The following CPVL variants were observed in gnomAD, a reference collection of about 807,000 sequenced individuals.
CPVL encodes the protein probable serine carboxypeptidase CPVL.
CPVL carries 51 observed loss-of-function variants against 63.7 expected under a neutral mutation model. The observed-to-expected ratio is 0.80, with a 90% confidence interval of 0.64 to 1.01. The LOEUF is 1.01. Among genes scored for constraint, CPVL ranks in the 50% least tolerant of loss-of-function variants. CPVL has a pLI of 0.00. For synonymous variants in CPVL, 195 were observed against 206.0 expected, an observed-to-expected ratio of 0.95 and a Z score of 0.46; for missense variants, 530 against 573.1, an observed-to-expected ratio of 0.92 and a Z score of 0.77.
chr7:29,072,068 C>A (rs1440780639), intron 8 of CPVL, among the ~76,000 whole-genome samples, 164 bp from the exon 9 acceptor site: 1 of 152,158 alleles, frequency 6.6e-6, no homozygotes, highest in East Asian at 1.9e-4. Flanking sequence ...ACAACACACA[C>A]AACAGAACAC....
At chr7:29,065,697 G>A (rs1014952179) in intron 10 of CPVL, among the ~76,000 whole-genome samples, 3 of 152,172 alleles carry the variant, frequency 2.0e-5, no homozygotes, top group African/African-American at 7.2e-5. Context: ...CAGACTTGAA[G>A]CTCTGGGACC....
intron 5 of CPVL, among the ~76,000 whole-genome samples, chr7:29,157,299 C>T (rs1584467231): frequency 1.3e-5 from 2 of 152,066 alleles, no homozygotes. Flanking sequence ...AGTACTGCAT[C>T]TTTAATCAAC....
At chr7:29,120,787 C>G (rs1197141206) in intron 2 of CPVL, 106 bp downstream of exon 2, 4 of 1,163,300 alleles carry the variant, frequency 3.4e-6, no homozygotes, top group East Asian at 2.5e-5. Context: ...CGCCACTGAC[C>G]TCCAGCCTAG....
In CPVL at chr7:29,112,770, A is replaced by G; in HGVS notation, c.222T>C (p.Tyr74=). 2 of 1,614,014 alleles carry G rather than the reference A, an allele frequency of 1.2e-6. No individual in the cohort carries two copies. Among genetic ancestry groups the G allele is most frequent in the South Asian group, 2.2e-5 (2 of 91,048 alleles). The change falls in exon 3 of 13, where the codon TAT becomes TAC. Residue 74 remains tyrosine, a synonymous_variant. Coordinates refer to ENST00000265394, the MANE Select transcript of CPVL (RefSeq NM_031311.5). The part of the protein sequence containing the change: ...GPFPGLNMKS[Y]AGFLTVNKTY... Reference sequence around the variant, plus strand: ...TCTTATTCACGGTGAGGAAGCCGGCATAACTCTTCATGTTCAGTCCTGGGA... The same window carrying G: ...TCTTATTCACGGTGAGGAAGCCGGCGTAACTCTTCATGTTCAGTCCTGGGA...
At chr7:29,079,409 C>T (rs570647297) in intron 7 of CPVL, among the ~76,000 whole-genome samples, 2 of 152,310 alleles carry the variant, frequency 1.3e-5, no homozygotes, top group East Asian at 3.9e-4. Context: ...CTGGCTCCTC[C>T]ACTTTCTGGC....
intron 5 of CPVL, among the ~76,000 whole-genome samples, chr7:29,166,154 C>G (rs1317596442): frequency 1.3e-5 from 2 of 152,058 alleles, no homozygotes; most frequent in East Asian, 3.9e-4. Flanking sequence ...CCTCACCCTC[C>G]CAAGTAGCTA....
chr7:29,135,760 G>A (rs1398714703), intron 1 of CPVL, among the ~76,000 whole-genome samples: 1 of 152,274 alleles, frequency 6.6e-6, no homozygotes, highest in East Asian at 1.9e-4. Context: ...GTACAATGCT[G>A]CAATTACAGC....
chr7:29,064,060 C>A lies in CPVL; in HGVS notation c.1137+1G>T. 6.2e-7 allele frequency: 1 copy of A among 1,605,476 alleles called. No individual in the cohort carries two copies. Among genetic ancestry groups the A allele is most frequent in the Non-Finnish European group, 8.5e-7 (1 of 1,173,188 alleles). ...AATAGTAACTGAAGTAGCTCTCTTA[C>A]CTTATAATTATTCATGATTTCAGTT... is the stretch of plus-strand genomic sequence containing the variant. On this transcript the variant is annotated splice_donor_variant, in intron 11 of 12. Coordinates refer to ENST00000265394, the MANE Select transcript of CPVL (RefSeq NM_031311.5). LOFTEE classifies it high-confidence loss of function.
intron 12 of CPVL, among the ~76,000 whole-genome samples, chr7:29,013,671 T>G (rs1393703098): frequency 6.6e-6 from 1 of 152,234 alleles, no homozygotes; most frequent in Admixed American, 6.5e-5. Context: ...AAGTACATTA[T>G]CTGGGTGGCC....
chr7:28,995,581 A>G lies in CPVL; in HGVS notation c.*191T>C, dbSNP rs1783978284. On this transcript the variant is annotated 3_prime_UTR_variant, in exon 13 of 13. Transcript: ENST00000265394. ...TAAATAATGTAATTCTTACTCATGTACTCATGTTAATTTTGTAGTAAACAT... is the reference window on the plus strand; with the variant it reads ...TAAATAATGTAATTCTTACTCATGTGCTCATGTTAATTTTGTAGTAAACAT... The G allele has an allele frequency of 1.8e-6, 1 of 566,198 alleles. No individual in the cohort carries two copies. The highest frequency in any genetic ancestry group is 3.1e-6 in the Non-Finnish European group (1 of 327,652). The allele number at this position is 566,198 out of a possible 1,614,324, so 35.1% of individuals were successfully genotyped here.
At chr7:29,150,533 G>C (rs1032006684), upstream of CPVL, among the ~76,000 whole-genome samples, 1 of 152,134 alleles carries the variant, frequency 6.6e-6, no homozygotes, top group Admixed American at 6.5e-5. Flanking sequence ...TTAAATTCCA[G>C]TTAAGAAGAC....
chr7:29,120,924 G>C lies in CPVL; in HGVS notation c.138C>G (p.Thr46=). 6.2e-7 allele frequency: 1 copy of C among 1,613,790 alleles called. No individual in the cohort carries two copies. The highest frequency in any genetic ancestry group is 8.5e-7 in the Non-Finnish European group (1 of 1,179,928). ...GGATCTTCCCAGCTTCAATGTAAGG[G>C]GTGAGAAATAATGGCTGTCCTGAGT... ...KGDSGQPLFL[T]PYIEAGKIQK... is the part of the protein sequence containing the mutation. Residue 46 remains threonine (T), a synonymous_variant, in exon 2 of 13, where the codon ACC becomes ACG. Coordinates refer to ENST00000265394, the MANE Select transcript of CPVL (RefSeq NM_031311.5).
At chr7:29,032,189 C>T (rs1041605184) in intron 11 of CPVL, among the ~76,000 whole-genome samples, 13 of 152,016 alleles carry the variant, frequency 8.6e-5, no homozygotes, top group Non-Finnish European at 1.2e-4. Context: ...CATAAGTTTC[C>T]GTCTTTCCCT....
chr7:29,189,666 A>T (rs536911450), intron 1 of CPVL, among the ~76,000 whole-genome samples: 1 of 146,322 alleles, frequency 6.8e-6, no homozygotes, highest in South Asian at 2.2e-4. Context: ...AGAAAGAAAA[A>T]CTCTCTCTCT....
intron 7 of CPVL, among the ~76,000 whole-genome samples, chr7:29,082,756 A>G (rs1046384885): frequency 4.6e-5 from 7 of 152,238 alleles, no homozygotes; most frequent in African/African-American, 1.4e-4. Flanking sequence ...TTAGGAAATT[A>G]TATGCATAAA....
At chr7:29,133,751 T>C (rs1169455292) in intron 1 of CPVL, among the ~76,000 whole-genome samples, 1 of 152,210 alleles carries the variant, frequency 6.6e-6, no homozygotes, top group Admixed American at 6.5e-5. Context: ...ATAGAAGAGA[T>C]AACAGTAAAT....
intron 1 of CPVL, among the ~76,000 whole-genome samples, chr7:29,121,302 T>A (rs1277867150): frequency 6.6e-6 from 1 of 151,990 alleles, no homozygotes; most frequent in Non-Finnish European, 1.5e-5. Context: ...ATTTTTCAAT[T>A]ACTGATTTTT....
chr7:29,162,655 C>T (rs1193185154), intron 5 of CPVL, among the ~76,000 whole-genome samples: 1 of 143,496 alleles, frequency 7.0e-6, no homozygotes, highest in Non-Finnish European at 1.5e-5. Flanking sequence ...GAGTGAAACT[C>T]CATCTCAAAA....
At position 29,171,255 on chromosome 7, in the gene CPVL, G is replaced by A. The variant is rs147867691; in HGVS notation, c.-11+10035C>T. On this transcript the variant is annotated intron_variant, in intron 5 of 16. Transcript: ENST00000409850. ...ATACGCGTCCTACTGTATTCTTTCTGCCACATTCCCAGAAACCCCAAAGCT... is the reference window on the plus strand; with the variant it reads ...ATACGCGTCCTACTGTATTCTTTCTACCACATTCCCAGAAACCCCAAAGCT... Among the ~76,000 whole-genome samples, 197 of 152,188 alleles carry A rather than the reference G, an allele frequency of 1.3e-3. 1 individual carries two copies. The highest frequency in any genetic ancestry group is 5.1e-4 in the Non-Finnish European group (35 of 68,018).
Sources: gnomAD v4.1 joint callset for allele counts (sites outside exome capture counted in the v4.1 genomes callset) on GRCh38, gnomAD v4.1.1 for gene constraint, MANE v1.5 for transcripts, NCBI Gene and HGNC (gene_info 2026-07-23, HGNC 2026-07-21) for gene names.